Variants in AMZ1 observed in about 807,000 individuals in gnomAD.
AMZ1 encodes archaelysin family metallopeptidase 1.
Under a neutral mutation model 29.9 loss-of-function variants are expected in AMZ1, and 39 were observed. The ratio of observed to expected loss-of-function variants is 1.30; its 90% confidence interval spans 1.01 to 1.70. The LOEUF (loss-of-function observed/expected upper bound fraction) is 1.70. Ranked by LOEUF, AMZ1 falls within the 40% of genes most tolerant of loss-of-function variation. The probability of loss-of-function intolerance (pLI) is 0.00; values close to 1 mark genes in which losing one functional copy is unlikely to be tolerated. For missense variants in AMZ1, 1,041 were observed against 680.6 expected, an observed-to-expected ratio of 1.53 and a Z score of -5.89; for synonymous variants, 458 against 304.0, an observed-to-expected ratio of 1.51 and a Z score of -5.27.
chr7:2,750,499 T>C (rs1790981334), intron 4 of AMZ1, among the ~76,000 whole-genome samples: 1 of 152,248 alleles, frequency 6.6e-6, no homozygotes, highest in Non-Finnish European at 1.5e-5. Context: ...CCTTTACACA[T>C]GTACCTATGG....
At chr7:2,688,553 G>A (rs755947540) in intron 1 of AMZ1, among the ~76,000 whole-genome samples, 25 of 152,298 alleles carry the variant, frequency 1.6e-4, no homozygotes, top group Admixed American at 3.3e-4. Context: ...GGCCAGGGAA[G>A]GGCCACGCGC....
intron 4 of AMZ1, among the ~76,000 whole-genome samples, chr7:2,732,345 A>G (rs1212832106): frequency 6.6e-6 from 1 of 152,180 alleles, no homozygotes; most frequent in Non-Finnish European, 1.5e-5. Context: ...CCAGAAGTTC[A>G]AGAACAGCCT....
At chr7:2,747,437 T>G (rs1790821216) in intron 4 of AMZ1, among the ~76,000 whole-genome samples, 1 of 152,202 alleles carries the variant, frequency 6.6e-6, no homozygotes, top group Admixed American at 6.5e-5. Context: ...ACTATCTCAG[T>G]AGATGCAGAA....
intron 1 of AMZ1, among the ~76,000 whole-genome samples, chr7:2,694,132 CATT>C (rs1787566072): frequency 6.6e-6 from 1 of 152,184 alleles, no homozygotes; most frequent in African/African-American, 2.4e-5. Context: ...CTCGAGATGA[CATT>C]AGGATTAGGA....
At chr7:2,752,365 C>G (rs548594480) in intron 4 of AMZ1, among the ~76,000 whole-genome samples, 1 of 152,182 alleles carries the variant, frequency 6.6e-6, no homozygotes, top group East Asian at 1.9e-4. Context: ...AGTACTTTCA[C>G]CCTAACACTG....
At position 2,712,651 on chromosome 7, in the gene AMZ1, G is replaced by A. The variant is rs1180050912; in HGVS notation, c.1270G>A (p.Glu424Lys). Reference protein sequence around the residue: ...CIQALQREVAEEDLVQVDRAV... With the variant: ...CIQALQREVAKEDLVQVDRAV... Reference sequence around the variant, plus strand: ...CCAGGCCCTGCAGCGGGAAGTGGCAGAGGAGGACCTGGTGCAGGTGGACAG... The same window carrying A: ...CCAGGCCCTGCAGCGGGAAGTGGCAAAGGAGGACCTGGTGCAGGTGGACAG... The change falls in exon 7 of 7, where the codon GAG (glutamate) becomes AAG (lysine). Residue 424 changes from glutamate to lysine, a missense_variant. By Grantham distance (56) the Glu-to-Lys change is moderately conservative. Coordinates refer to ENST00000683327, the MANE Select transcript of AMZ1 (RefSeq NM_001384743.1). 3 of 1,613,132 alleles carry A rather than the reference G, an allele frequency of 1.9e-6. No homozygotes were observed. Among genetic ancestry groups the A allele is most frequent in the Admixed American group, 1.7e-5 (1 of 59,998 alleles).
intron 4 of AMZ1, among the ~76,000 whole-genome samples, chr7:2,759,241 TAA>T (rs1363256996): frequency 6.6e-6 from 1 of 151,990 alleles, no homozygotes; most frequent in African/African-American, 2.4e-5. Flanking sequence ...GCTGAAGAAA[TAA>T]GTCATAAAAT....
At chr7:2,743,240 G>C (rs530893865) in intron 4 of AMZ1, among the ~76,000 whole-genome samples, 1 of 152,312 alleles carries the variant, frequency 6.6e-6, no homozygotes, top group East Asian at 1.9e-4. Flanking sequence ...ACCAGCACAG[G>C]CATGACCAAG....
Position 2,719,023 on chromosome 7 carries a change from TTC to T in AMZ1, c.*6146_*6147del, listed in dbSNP as rs766178302. Among the ~76,000 whole-genome samples, 3,715 of 100,950 alleles carry T rather than the reference TTC, an allele frequency of 0.037. 46 individuals carry two copies. The highest frequency in any genetic ancestry group is 0.055 in the African/African-American group (1,319 of 23,982). 66.2% of individuals were successfully genotyped at this position (100,950 alleles called of 152,430 possible). The stretch of plus-strand genomic sequence containing the variant: ...GAACAGGCGACTTTTTTTTTTTTTT[TTC>T]CCCCCCATCTGAAGTGAGATCAAAC... On this transcript the variant is annotated 3_prime_UTR_variant, in exon 7 of 7. Transcript: ENST00000683327.
chr7:2,721,084 A>G (rs1168019994), downstream of AMZ1, among the ~76,000 whole-genome samples: 1 of 152,176 alleles, frequency 6.6e-6, no homozygotes. Context: ...GGTGGCGACC[A>G]GCAGCTGCAA....
At chr7:2,734,717 T>G (rs1318721130) in intron 4 of AMZ1, among the ~76,000 whole-genome samples, 1 of 152,232 alleles carries the variant, frequency 6.6e-6, no homozygotes. Flanking sequence ...GTTTTCAAAG[T>G]GAGTGTTTTG....
upstream of AMZ1, chr7:2,760,439 C>G (rs922184045): frequency 1.3e-5 from 2 of 152,440 alleles, no homozygotes; most frequent in Non-Finnish European, 2.9e-5. Flanking sequence ...CTTTCCCGGA[C>G]GCTGTGGTAA....
chr7:2,690,023 A>G (rs1787291155), intron 1 of AMZ1, among the ~76,000 whole-genome samples: 1 of 152,188 alleles, frequency 6.6e-6, no homozygotes, highest in Non-Finnish European at 1.5e-5. Context: ...TGACCCACGA[A>G]GACGAATGTG....
chr7:2,679,953 G>C (rs1399767554), intron 1 of AMZ1, among the ~76,000 whole-genome samples: 3 of 152,212 alleles, frequency 2.0e-5, no homozygotes, highest in African/African-American at 7.2e-5. Flanking sequence ...GAGGGACCCC[G>C]GAGGTAGGAA....
At chr7:2,698,860 G>C (rs1257631798) in intron 1 of AMZ1, among the ~76,000 whole-genome samples, 1 of 152,148 alleles carries the variant, frequency 6.6e-6, no homozygotes, top group Non-Finnish European at 1.5e-5. Context: ...GGGTTAGTTA[G>C]AGAATAGGGC....
downstream of AMZ1, among the ~76,000 whole-genome samples, chr7:2,720,066 G>A (rs753343124): frequency 5.3e-5 from 8 of 152,296 alleles, no homozygotes; most frequent in Non-Finnish European, 8.8e-5. Flanking sequence ...TGTTGAATTC[G>A]ATAAGCAATT....
chr7:2,697,902 C>T (rs1291417725), intron 1 of AMZ1, among the ~76,000 whole-genome samples: 1 of 152,106 alleles, frequency 6.6e-6, no homozygotes, highest in Non-Finnish European at 1.5e-5. Context: ...GTACCAGCCC[C>T]TCCCCTACTC....
intron 4 of AMZ1, among the ~76,000 whole-genome samples, chr7:2,725,785 G>A (rs1485980735): frequency 3.3e-5 from 5 of 152,228 alleles, no homozygotes; most frequent in African/African-American, 4.8e-5. Context: ...ACGCTTTTCT[G>A]TTCCAGGTCC....
At chr7:2,737,090 C>T (rs1183292009) in intron 4 of AMZ1, among the ~76,000 whole-genome samples, 1 of 152,070 alleles carries the variant, frequency 6.6e-6, no homozygotes, top group Non-Finnish European at 1.5e-5. Flanking sequence ...GTGGGTCCCA[C>T]TGGGGAGTGA....
Sources: gnomAD v4.1 joint callset for allele counts (sites outside exome capture counted in the v4.1 genomes callset) on GRCh38, gnomAD v4.1.1 for gene constraint, MANE v1.5 for transcripts, NCBI Gene and HGNC (gene_info 2026-07-23, HGNC 2026-07-21) for gene names.